The following CORO1C variants were observed in gnomAD, a reference collection of about 807,000 sequenced individuals.
CORO1C encodes the protein coronin 1C.
Under a neutral mutation model 51.2 loss-of-function variants are expected in CORO1C, and 14 were observed. The observed-to-expected ratio is 0.27, with a 90% CI of 0.18 to 0.43. The LOEUF (loss-of-function observed/expected upper bound fraction) is 0.43, where lower values mean the gene tolerates loss of function less well. CORO1C is among the 20% of genes least tolerant of loss of function. The probability of loss-of-function intolerance (pLI) is 1.00; values close to 1 mark genes in which losing one functional copy is unlikely to be tolerated. For synonymous variants in CORO1C, 181 were observed against 210.5 expected, an observed-to-expected ratio of 0.86 and a Z score of 1.21; for missense variants, 417 against 607.8, an observed-to-expected ratio of 0.69 and a Z score of 3.30.
At chr12:108,664,905 G>T (rs932840126) in intron 3 of CORO1C, among the ~76,000 whole-genome samples, 2 of 152,164 alleles carry the variant, frequency 1.3e-5, no homozygotes, top group African/African-American at 4.8e-5. Context: ...TATGAAATGG[G>T]ACTTCAGTGA....
chr12:108,649,453 A>G (rs570365320), intron 8 of CORO1C: 22 of 187,070 alleles, frequency 1.2e-4, no homozygotes, highest in East Asian at 7.0e-4. Context: ...GGTTGAACAT[A>G]TAAGTATAAA....
chr12:108,708,934 G>A (rs1290311131), intron 1 of CORO1C, among the ~76,000 whole-genome samples: 2 of 151,204 alleles, frequency 1.3e-5, no homozygotes, highest in African/African-American at 4.9e-5. Context: ...TTTTTTGGTA[G>A]AGATGGGGGT....
At chr12:108,660,241 C>T (rs1181943809) in intron 4 of CORO1C, among the ~76,000 whole-genome samples, 1 of 152,162 alleles carries the variant, frequency 6.6e-6, no homozygotes, top group East Asian at 1.9e-4. Flanking sequence ...CACCTGAGGT[C>T]AGGAGTTGGA....
At chr12:108,655,335 A>C (rs1490001725) in intron 6 of CORO1C, among the ~76,000 whole-genome samples, 1 of 151,992 alleles carries the variant, frequency 6.6e-6, no homozygotes, top group Non-Finnish European at 1.5e-5. Flanking sequence ...CTTTTTAAAA[A>C]ATATAGTCCC....
At chr12:108,661,361 C>T (rs1435164435) in intron 4 of CORO1C, among the ~76,000 whole-genome samples, 2 of 152,138 alleles carry the variant, frequency 1.3e-5, no homozygotes, top group Non-Finnish European at 2.9e-5. Flanking sequence ...CTTAATGGCA[C>T]GTGAAAAGGG....
intron 3 of CORO1C, among the ~76,000 whole-genome samples, chr12:108,672,315 C>A (rs1473407188): frequency 6.6e-6 from 1 of 152,152 alleles, no homozygotes; most frequent in East Asian, 1.9e-4. Context: ...CTTGAAAATA[C>A]AGAATACATC....
chr12:108,679,815 G>A (rs989586923), intron 2 of CORO1C, among the ~76,000 whole-genome samples: 1 of 152,220 alleles, frequency 6.6e-6, no homozygotes, highest in Non-Finnish European at 1.5e-5. Flanking sequence ...GACAAGTCAT[G>A]TAATCTCTCT....
At chr12:108,654,904 C>T (rs1408527531) in intron 6 of CORO1C, among the ~76,000 whole-genome samples, 1 of 152,112 alleles carries the variant, frequency 6.6e-6, no homozygotes, top group African/African-American at 2.4e-5. Context: ...CAGAGTTTCA[C>T]CATGTTGGCC....
chr12:108,669,338 T>C (rs577891508), intron 3 of CORO1C, among the ~76,000 whole-genome samples: 1 of 152,356 alleles, frequency 6.6e-6, no homozygotes, highest in East Asian at 1.9e-4. Context: ...TATTTTTCTA[T>C]GAAATGTCTA....
intron 3 of CORO1C, 106 bp from the exon 4 acceptor site, chr12:108,662,264 T>C (rs760615495): frequency 5.4e-6 from 5 of 928,390 alleles, no homozygotes; most frequent in Non-Finnish European, 6.8e-6. Context: ...AAACAGAACA[T>C]AGAGTGATAT....
chr12:108,720,627 AT>A (rs2035453114), intron 1 of CORO1C, among the ~76,000 whole-genome samples: 1 of 151,630 alleles, frequency 6.6e-6, no homozygotes, highest in Non-Finnish European at 1.5e-5. Flanking sequence ...AGTTCATGCC[AT>A]TTTCCTGCCC....
intron 4 of CORO1C, among the ~76,000 whole-genome samples, chr12:108,661,702 A>G (rs1836800154): frequency 6.6e-6 from 1 of 152,180 alleles, no homozygotes; most frequent in African/African-American, 2.4e-5. Flanking sequence ...GGCTCCCAAC[A>G]AAGTACACCT....
At chr12:108,721,051 T>C (rs969838963) in intron 1 of CORO1C, among the ~76,000 whole-genome samples, 8 of 152,134 alleles carry the variant, frequency 5.3e-5, no homozygotes, top group Non-Finnish European at 7.4e-5. Flanking sequence ...AATATAGCAG[T>C]ATTATAAGGT....
chr12:108,686,459 C>T (rs1273669605), intron 2 of CORO1C, among the ~76,000 whole-genome samples: 1 of 152,356 alleles, frequency 6.6e-6, no homozygotes, highest in East Asian at 1.9e-4. Context: ...CTTCACTTTA[C>T]TAACAGATCA....
chr12:108,702,202 C>A (rs912698888), intron 1 of CORO1C, among the ~76,000 whole-genome samples: 1 of 152,188 alleles, frequency 6.6e-6, no homozygotes, highest in African/African-American at 2.4e-5. Flanking sequence ...TGACAGTAAA[C>A]CAGACTTGAG....
At chr12:108,712,420 A>G (rs2035207782) in intron 1 of CORO1C, among the ~76,000 whole-genome samples, 1 of 151,844 alleles carries the variant, frequency 6.6e-6, no homozygotes, top group Non-Finnish European at 1.5e-5. Flanking sequence ...GTAAAATACA[A>G]AAAATCAGGT....
At chr12:108,704,725 G>A (rs1466455963) in intron 1 of CORO1C, among the ~76,000 whole-genome samples, 1 of 152,174 alleles carries the variant, frequency 6.6e-6, no homozygotes, top group African/African-American at 2.4e-5. Context: ...TGTACATGTG[G>A]CATAGCCGCT....
chr12:108,695,869 A>AC (rs1381955462), intron 2 of CORO1C, among the ~76,000 whole-genome samples: 1 of 151,792 alleles, frequency 6.6e-6, no homozygotes, highest in African/African-American at 2.4e-5. Flanking sequence ...AAAAAAAAAA[A>AC]AAAAAACAGT....
intron 3 of CORO1C, among the ~76,000 whole-genome samples, chr12:108,676,372 C>T (rs2033909473): frequency 6.6e-6 from 1 of 152,152 alleles, no homozygotes; most frequent in Admixed American, 6.5e-5. Flanking sequence ...ATAATACACA[C>T]TATTTTTTTT....
Sources: allele counts gnomAD v4.1 joint callset (sites outside exome capture counted in the v4.1 genomes callset), GRCh38; gene constraint gnomAD v4.1.1; transcripts MANE v1.5; gene names NCBI Gene and HGNC (gene_info 2026-07-23, HGNC 2026-07-21).